The following MPDZ variants were observed in gnomAD, a reference collection of about 807,000 sequenced individuals.
MPDZ encodes multiple PDZ domain crumbs cell polarity complex component.
In MPDZ, 234 loss-of-function variants were observed where a neutral mutation model predicts 239.1. That is an observed-to-expected ratio of 0.98 (90% confidence interval 0.88 to 1.09). The LOEUF (loss-of-function observed/expected upper bound fraction) is 1.09, where lower values mean the gene tolerates loss of function less well. Ranked by LOEUF, MPDZ falls within the 50% of genes least tolerant of loss-of-function variation. The pLI is 0.00. For missense variants in MPDZ, 3,175 were observed against 2,510.0 expected, an observed-to-expected ratio of 1.26 and a Z score of -5.66; for synonymous variants, 1,048 against 881.3, an observed-to-expected ratio of 1.19 and a Z score of -3.35.
At chr9:13,157,641 A>G (rs1949985477) in intron 24 of MPDZ, among the ~76,000 whole-genome samples, 1 of 152,064 alleles carries the variant, frequency 6.6e-6, no homozygotes, top group South Asian at 2.1e-4. Flanking sequence ...AAACACACAC[A>G]CACACACACA....
At chr9:13,216,140 A>G (rs1384926467) in intron 10 of MPDZ, among the ~76,000 whole-genome samples, 1 of 151,262 alleles carries the variant, frequency 6.6e-6, no homozygotes, top group East Asian at 2.0e-4. Context: ...GGGTCTCTTG[A>G]ATTTCTGTTT....
chr9:13,111,878 G>T, intron 43 of MPDZ, 146 bp downstream of exon 43: 1 of 645,400 alleles, frequency 1.5e-6, no homozygotes, highest in Non-Finnish European at 2.3e-6. Context: ...TTTATTCCAA[G>T]CAAGCCTTGC....
intron 34 of MPDZ, among the ~76,000 whole-genome samples, chr9:13,126,034 T>A (rs1425941090): frequency 6.6e-6 from 1 of 152,114 alleles, no homozygotes; most frequent in African/African-American, 2.4e-5. Context: ...CTGGCACTAA[T>A]AAATAAAAGG....
intron 46 of MPDZ, 70 bp downstream of exon 46, chr9:13,108,866 T>C (rs1370184779): frequency 2.0e-6 from 3 of 1,519,112 alleles, no homozygotes; most frequent in South Asian, 1.3e-5. Flanking sequence ...CATAAACTAA[T>C]AAGCCAGCTG....
intron 9 of MPDZ, 48 bp from the exon 10 acceptor site, chr9:13,216,910 AAGAAT>A: frequency 7.1e-7 from 1 of 1,402,098 alleles, no homozygotes; most frequent in East Asian, 2.3e-5. Context: ...AGCACATTCA[AAGAAT>A]ATCCATCTTC....
chr9:13,159,877 T>G (rs1349814138), intron 23 of MPDZ, among the ~76,000 whole-genome samples: 2 of 152,160 alleles, frequency 1.3e-5, no homozygotes, highest in African/African-American at 4.8e-5. Context: ...GGGACTCAAG[T>G]GTCATGTCTT....
intron 6 of MPDZ, 120 bp downstream of exon 6, chr9:13,222,113 A>C: frequency 4.4e-6 from 3 of 683,098 alleles, no homozygotes; most frequent in Non-Finnish European, 6.9e-6. Context: ...GGAAAAATAA[A>C]AGAATAGTCA....
rs1420967868 is a variant in MPDZ, at chr9:13,192,285, A to G, written c.1814T>C (p.Ile605Thr). Residue 605 changes from isoleucine (I) to threonine (T), a missense_variant, in exon 15 of 47, where the codon ATA becomes ACA. By Grantham distance (89) the Ile-to-Thr change is moderately conservative. Coordinates refer to ENST00000319217, the MANE Select transcript of MPDZ (RefSeq NM_001378778.1). ...TTGGTGATTTTCCCCAAGTAAAGTT[A>G]TGCCATTTACCTGTGAAAAAAGATA... ...SGDELLEVNG[I>T]TLLGENHQDV... The G allele has an allele frequency of 6.3e-7, 1 of 1,596,850 alleles. No homozygotes were observed. Among genetic ancestry groups the G allele is most frequent in the Non-Finnish European group, 8.5e-7 (1 of 1,170,414 alleles).
At chr9:13,247,549 GA>G (rs1313107287) in intron 3 of MPDZ, 85 bp downstream of exon 3, 4 of 1,437,936 alleles carry the variant, frequency 2.8e-6, no homozygotes, top group Admixed American at 2.0e-5. Context: ...TTAACACATA[GA>G]AAAATCAGCC....
chr9:13,192,295 C>A lies in MPDZ; in HGVS notation c.1804G>T (p.Val602Leu). The change falls in exon 15 of 47, where the codon GTA becomes TTA. Residue 602 changes from valine (V) to leucine (L), a missense_variant and splice_region_variant. Val to Leu is a conservative substitution (Grantham distance 32). Transcript: ENST00000319217. ...TCCCCAAGTAAAGTTATGCCATTTA[C>A]CTGTGAAAAAAGATACATTGTCCAA... ...KLFSGDELLE[V>L]NGITLLGENH... 6.3e-7 allele frequency: 1 copy of A among 1,591,136 alleles called. No individual in the cohort carries two copies. Among genetic ancestry groups the A allele is most frequent in the African/African-American group, 1.3e-5 (1 of 74,650 alleles).
chr9:13,117,375 C>CA (rs1270498422), intron 39 of MPDZ, among the ~76,000 whole-genome samples: 1 of 151,810 alleles, frequency 6.6e-6, no homozygotes, highest in Non-Finnish European at 1.5e-5. Flanking sequence ...ACCAAAAATA[C>CA]AAAAAATTAG....
intron 27 of MPDZ, among the ~76,000 whole-genome samples, chr9:13,141,550 T>C (rs1947685638): frequency 6.6e-6 from 1 of 152,190 alleles, no homozygotes; most frequent in Non-Finnish European, 1.5e-5. Flanking sequence ...TAAGAATTCC[T>C]CTGATACAAT....
At chr9:13,163,391 T>G (rs796813092) in intron 22 of MPDZ, among the ~76,000 whole-genome samples, 1 of 152,138 alleles carries the variant, frequency 6.6e-6, no homozygotes, top group Admixed American at 6.6e-5. Flanking sequence ...TGAAGCAATT[T>G]TAAAAAATTC....
At chr9:13,210,659 G>A (rs559155616) in intron 10 of MPDZ, among the ~76,000 whole-genome samples, 30 of 152,182 alleles carry the variant, frequency 2.0e-4, no homozygotes, top group African/African-American at 6.7e-4. Flanking sequence ...GACCACACAG[G>A]AGTGAGCCAG....
chr9:13,168,545 A>G lies in MPDZ; in HGVS notation c.3075T>C (p.Asn1025=). 2 of 1,603,080 alleles carry G rather than the reference A, an allele frequency of 1.2e-6. No homozygotes were observed. The highest frequency in any genetic ancestry group is 1.7e-6 in the Non-Finnish European group (2 of 1,176,404). ...GAACGATCATCCCCAAGCCATCTTT[A>G]TTAGCACTAACTGTCATTCCTACAG... is the stretch of plus-strand genomic sequence containing the variant. ...NSSLGMTVSA[N]KDGLGMIVRS... The change falls in exon 22 of 47, where the codon AAT becomes AAC. Residue 1025 remains asparagine, a synonymous_variant. Transcript: ENST00000319217.
intron 34 of MPDZ, 52 bp downstream of exon 34, chr9:13,126,464 T>C: frequency 7.9e-7 from 1 of 1,260,020 alleles, no homozygotes; most frequent in East Asian, 2.5e-5. Flanking sequence ...AACACTTTAA[T>C]CATGCCCAAG....
intron 10 of MPDZ, among the ~76,000 whole-genome samples, chr9:13,209,667 G>C (rs2135831901): frequency 6.6e-6 from 1 of 152,096 alleles, no homozygotes; most frequent in South Asian, 2.1e-4. Flanking sequence ...CAGGAAAAAA[G>C]ATATTTCCTG....
chr9:13,123,223 G>C lies in MPDZ; in HGVS notation c.4883C>G (p.Thr1628Arg). ...ATCPIIPGCE[T>R]TIEISKGRTG... ...TCGCCCTTTGGAAATCTCGATGGTT[G>C]TTTCGCAGCCAGGGATAATGGGGCA... is the stretch of plus-strand genomic sequence containing the variant. The change falls in exon 36 of 47, where the codon ACA (threonine) becomes AGA (arginine). Residue 1628 changes from threonine (T) to arginine (R), a missense_variant. Coordinates refer to ENST00000319217, the MANE Select transcript of MPDZ (RefSeq NM_001378778.1). 6.2e-7 allele frequency: 1 copy of C among 1,613,616 alleles called. No homozygotes were observed. The highest frequency in any genetic ancestry group is 8.5e-7 in the Non-Finnish European group (1 of 1,179,832).
chr9:13,139,478 T>C (rs1016867577), intron 28 of MPDZ, among the ~76,000 whole-genome samples: 4 of 152,154 alleles, frequency 2.6e-5, no homozygotes, highest in Non-Finnish European at 5.9e-5. Flanking sequence ...AGGGGAGAAC[T>C]CCATTTTAAA....
Sources: gnomAD v4.1 joint callset for allele counts (sites outside exome capture counted in the v4.1 genomes callset) on GRCh38, gnomAD v4.1.1 for gene constraint, MANE v1.5 for transcripts, NCBI Gene and HGNC (gene_info 2026-07-23, HGNC 2026-07-21) for gene names.